The following PCDH11X variants were observed in gnomAD, a reference collection of about 807,000 sequenced individuals.
PCDH11X encodes the protein protocadherin-11 X-linked.
In PCDH11X, 18 loss-of-function variants were observed where a neutral mutation model predicts 53.3. The observed-to-expected ratio is 0.34, with a 90% CI of 0.23 to 0.50. The LOEUF (loss-of-function observed/expected upper bound fraction) is 0.50. Among genes scored for constraint, PCDH11X ranks in the 20% least tolerant of loss-of-function variants. The probability of loss-of-function intolerance (pLI) is 0.98; values close to 1 mark genes in which losing one functional copy is unlikely to be tolerated. For synonymous variants in PCDH11X, 279 were observed against 393.3 expected (o/e 0.71, Z 3.44); for missense variants, 570 against 1,032.4 (o/e 0.55, Z 6.14).
At chrX:92,390,368 T>C (rs1471802954) in intron 9 of PCDH11X, among the ~76,000 whole-genome samples, 1 of 58,964 alleles carries the variant, frequency 1.7e-5, no homozygotes, top group Non-Finnish European at 3.4e-5. Flanking sequence ...TTTAACATAG[T>C]ACGTGTGTGT....
chrX:92,288,003 G>A (rs1016550913), intron 8 of PCDH11X: 2 of 512,761 alleles, frequency 3.9e-6, no homozygotes, highest in African/African-American at 2.3e-5. Context: ...TGCCATGACC[G>A]TAAGTTTCCT....
intron 10 of PCDH11X, among the ~76,000 whole-genome samples, chrX:92,504,602 G>A (rs780871309): frequency 1.8e-5 from 2 of 111,371 alleles, no homozygotes; most frequent in Admixed American, 9.5e-5. Context: ...GTGCTGTGAT[G>A]AAAATATGTT....
chrX:91,855,474 A>G (rs1938274659), intron 5 of PCDH11X, among the ~76,000 whole-genome samples: 1 of 108,311 alleles, frequency 9.2e-6, no homozygotes, highest in African/African-American at 3.6e-5. Flanking sequence ...AGCTTTGTCT[A>G]TACTGGGTTT....
At chrX:92,062,220 A>T (rs902332458) in intron 6 of PCDH11X, among the ~76,000 whole-genome samples, 14 of 111,367 alleles carry the variant, frequency 1.3e-4, no homozygotes, top group African/African-American at 4.2e-4. Flanking sequence ...CTTTGAGGCA[A>T]AGACTATGGG....
intron 5 of PCDH11X, among the ~76,000 whole-genome samples, chrX:91,846,626 A>T (rs1191634051): frequency 9.0e-6 from 1 of 110,709 alleles, no homozygotes; most frequent in African/African-American, 3.3e-5. Flanking sequence ...TCAAAAAAAA[A>T]AAAAAGAAAA....
intron 8 of PCDH11X, among the ~76,000 whole-genome samples, chrX:92,369,266 T>C: frequency 9.1e-6 from 1 of 109,452 alleles, no homozygotes; most frequent in Non-Finnish European, 1.9e-5. Flanking sequence ...TTTGCTGCAC[T>C]GTGGTGAATT....
At chrX:91,784,213 A>G (rs1425459947) in intron 1 of PCDH11X, among the ~76,000 whole-genome samples, 1 of 101,996 alleles carries the variant, frequency 9.8e-6, no homozygotes, top group Non-Finnish European at 2.1e-5. Flanking sequence ...CACAGTAGAA[A>G]TATTATTGTT....
chrX:92,250,904 G>T (rs2067448566), intron 7 of PCDH11X, among the ~76,000 whole-genome samples: 1 of 109,529 alleles, frequency 9.1e-6, no homozygotes, highest in Non-Finnish European at 1.9e-5. Flanking sequence ...TGATGAGAAT[G>T]TTCCAAAAAT....
intron 10 of PCDH11X, among the ~76,000 whole-genome samples, chrX:92,520,159 C>T (rs916576976): frequency 1.8e-5 from 2 of 109,131 alleles, no homozygotes; most frequent in Admixed American, 9.9e-5. Context: ...CATACCTCGA[C>T]GATATTGTGG....
intron 6 of PCDH11X, among the ~76,000 whole-genome samples, chrX:92,059,627 C>T (rs779063666): frequency 9.0e-6 from 1 of 110,913 alleles, no homozygotes; most frequent in East Asian, 2.8e-4. Context: ...ACCTTGGTTC[C>T]TTATATTTTT....
At chrX:92,131,361 T>A (rs1435589905) in intron 6 of PCDH11X, among the ~76,000 whole-genome samples, 1 of 111,495 alleles carries the variant, frequency 9.0e-6, no homozygotes, top group African/African-American at 3.3e-5. Context: ...TAAGGAGGAT[T>A]TACTTACGTG....
intron 8 of PCDH11X, among the ~76,000 whole-genome samples, chrX:92,351,933 GT>G (rs1484383834): frequency 8.9e-6 from 1 of 111,856 alleles, no homozygotes; most frequent in African/African-American, 3.3e-5. Context: ...CATGTGAAGT[GT>G]TTAAATGGAA....
At chrX:92,058,243 A>T (rs1456134354) in intron 6 of PCDH11X, among the ~76,000 whole-genome samples, 1 of 109,638 alleles carries the variant, frequency 9.1e-6, no homozygotes. Context: ...TTCTGTGCAG[A>T]CTCCAAAAAG....
At chrX:92,123,813 A>T (rs1486829081) in intron 6 of PCDH11X, among the ~76,000 whole-genome samples, 1 of 106,226 alleles carries the variant, frequency 9.4e-6, no homozygotes, top group African/African-American at 3.5e-5. Context: ...CAAAACCTAA[A>T]TAATAATGTC....
chrX:92,503,473 C>T (rs944708399), intron 10 of PCDH11X, among the ~76,000 whole-genome samples: 2 of 106,946 alleles, frequency 1.9e-5, no homozygotes, highest in African/African-American at 7.0e-5. Flanking sequence ...ATAGAATCAA[C>T]CTAAACGCCC....
chrX:91,889,983 T>C lies in PCDH11X; in HGVS notation c.3033+10710T>C, dbSNP rs769788920. ...AGTTGTGTATAAAGACATACACTTATTTATTTCAAAATGCACACAAATTAA... is the reference window on the plus strand; with the variant it reads ...AGTTGTGTATAAAGACATACACTTACTTATTTCAAAATGCACACAAATTAA... On this transcript the variant is annotated intron_variant, in intron 6 of 10. Transcript: ENST00000682573. 1.9e-3 allele frequency among the ~76,000 whole-genome samples: 205 copies of C among 108,884 alleles called. 1 individual carries two copies. The highest frequency in any genetic ancestry group is 6.6e-3 in the African/African-American group (196 of 29,908). 94.6% of individuals were successfully genotyped at this position (108,884 alleles called of 115,157 possible). A position where few individuals can be genotyped will look rare whatever the true frequency, so the allele number is the denominator to read the frequency against.
chrX:92,033,520 T>G (rs1233602825), intron 6 of PCDH11X, among the ~76,000 whole-genome samples: 1 of 110,764 alleles, frequency 9.0e-6, no homozygotes, highest in Non-Finnish European at 1.9e-5. Flanking sequence ...GTTTTCCAAT[T>G]TATAGACACA....
intron 9 of PCDH11X, among the ~76,000 whole-genome samples, chrX:92,398,236 A>T (rs924534161): frequency 2.7e-5 from 3 of 111,161 alleles, no homozygotes; most frequent in Non-Finnish European, 3.8e-5. Context: ...GTGGCTAAGT[A>T]AAAAAACCTT....
At chrX:91,894,796 T>G in intron 6 of PCDH11X, among the ~76,000 whole-genome samples, 1 of 111,349 alleles carries the variant, frequency 9.0e-6, no homozygotes, top group Admixed American at 9.6e-5. Flanking sequence ...AAAATAGACT[T>G]GCAACATATC....
Sources: allele counts gnomAD v4.1 joint callset (sites outside exome capture counted in the v4.1 genomes callset), GRCh38; gene constraint gnomAD v4.1.1; transcripts MANE v1.5; gene names NCBI Gene and HGNC (gene_info 2026-07-23, HGNC 2026-07-21).